Variants in LRRIQ3 observed in about 807,000 individuals in gnomAD.
LRRIQ3 encodes leucine-rich repeat and IQ domain-containing protein 3.
In LRRIQ3, 75 loss-of-function variants were observed where a neutral mutation model predicts 59.3. That is an observed-to-expected ratio of 1.26 (90% CI 1.05 to 1.53). LRRIQ3 has a LOEUF of 1.53. Among genes scored for constraint, LRRIQ3 ranks in the 40% most tolerant of loss-of-function variants. The pLI is 0.00. For synonymous variants in LRRIQ3, 250 were observed against 231.3 expected (o/e 1.08, Z -0.73); for missense variants, 831 against 710.0 (o/e 1.17, Z -1.94).
At chr1:74,143,971 TATA>T (rs893338708) in intron 4 of LRRIQ3, among the ~76,000 whole-genome samples, 2 of 151,928 alleles carry the variant, frequency 1.3e-5, no homozygotes, top group African/African-American at 4.8e-5. Flanking sequence ...TTTTGAGTAT[TATA>T]ATAATTTATA....
intron 4 of LRRIQ3, among the ~76,000 whole-genome samples, chr1:74,149,986 G>A (rs1394334095): frequency 6.6e-6 from 1 of 152,112 alleles, no homozygotes; most frequent in East Asian, 1.9e-4. Context: ...TCTGGCCAAG[G>A]AAATGTAGGA....
intron 3 of LRRIQ3, among the ~76,000 whole-genome samples, chr1:74,159,910 G>A (rs1378023806): frequency 1.3e-5 from 2 of 151,626 alleles, no homozygotes; most frequent in African/African-American, 2.4e-5. Flanking sequence ...TCTTTCTCTC[G>A]CACCTTTTTC....
At chr1:74,031,761 T>TA (rs1016266364) in intron 7 of LRRIQ3, among the ~76,000 whole-genome samples, 6 of 151,872 alleles carry the variant, frequency 4.0e-5, no homozygotes, top group African/African-American at 1.5e-4. Flanking sequence ...TAAAGTATAA[T>TA]AAAAAATATA....
At chr1:74,097,434 G>A (rs1646464509) in intron 5 of LRRIQ3, among the ~76,000 whole-genome samples, 1 of 152,126 alleles carries the variant, frequency 6.6e-6, no homozygotes, top group Non-Finnish European at 1.5e-5. Flanking sequence ...TCTCATTGGT[G>A]TACCTAAAAG....
intron 1 of LRRIQ3, among the ~76,000 whole-genome samples, chr1:74,184,058 G>C (rs1650194966): frequency 6.6e-6 from 1 of 151,964 alleles, no homozygotes; most frequent in African/African-American, 2.4e-5. Flanking sequence ...GATAATTTTT[G>C]TTAAAATATA....
chr1:74,065,443 G>A (rs1174594611), intron 6 of LRRIQ3, among the ~76,000 whole-genome samples: 1 of 151,502 alleles, frequency 6.6e-6, no homozygotes, highest in African/African-American at 2.4e-5. Context: ...TAGAAGAGCT[G>A]ACATCAGAGT....
At chr1:74,196,814 T>A (rs1651182787) in intron 1 of LRRIQ3, among the ~76,000 whole-genome samples, 1 of 152,202 alleles carries the variant, frequency 6.6e-6, no homozygotes. Context: ...AGCTCTCACC[T>A]GCAATATTGC....
intron 4 of LRRIQ3, among the ~76,000 whole-genome samples, chr1:74,145,695 T>C (rs1224651831): frequency 1.3e-5 from 2 of 152,134 alleles, no homozygotes; most frequent in Non-Finnish European, 2.9e-5. Flanking sequence ...CACTAAAATA[T>C]AATGAATTAC....
intron 4 of LRRIQ3, among the ~76,000 whole-genome samples, chr1:74,117,669 G>A (rs1210139120): frequency 6.6e-6 from 1 of 152,100 alleles, no homozygotes. Flanking sequence ...AGGAGGCTGA[G>A]GCAGGAGAAT....
At chr1:74,084,954 G>C (rs527741305) in intron 5 of LRRIQ3, among the ~76,000 whole-genome samples, 1 of 151,654 alleles carries the variant, frequency 6.6e-6, no homozygotes, top group African/African-American at 2.4e-5. Flanking sequence ...GGTATTCCAA[G>C]TTCTACTATA....
chr1:74,051,264 C>T (rs898584959), intron 6 of LRRIQ3, among the ~76,000 whole-genome samples: 3 of 152,078 alleles, frequency 2.0e-5, no homozygotes, highest in African/African-American at 7.2e-5. Flanking sequence ...CAGGAAAACA[C>T]ACTAAAACAT....
intron 1 of LRRIQ3, among the ~76,000 whole-genome samples, chr1:74,197,677 G>T (rs1199677295): frequency 6.6e-6 from 1 of 151,872 alleles, no homozygotes; most frequent in Non-Finnish European, 1.5e-5. Flanking sequence ...AGCCTACTAA[G>T]AAAAAACAGA....
At chr1:74,071,040 C>G (rs915401989) in intron 6 of LRRIQ3, among the ~76,000 whole-genome samples, 2 of 150,206 alleles carry the variant, frequency 1.3e-5, no homozygotes, top group South Asian at 2.1e-4. Flanking sequence ...TATACACACA[C>G]ACACACATAC....
intron 4 of LRRIQ3, among the ~76,000 whole-genome samples, chr1:74,114,417 A>G (rs993865146): frequency 6.6e-6 from 1 of 152,064 alleles, no homozygotes; most frequent in Non-Finnish European, 1.5e-5. Context: ...ATAAATATGA[A>G]GTAGACAAGA....
chr1:74,127,317 A>G (rs1478382167), intron 4 of LRRIQ3, among the ~76,000 whole-genome samples: 1 of 151,878 alleles, frequency 6.6e-6, no homozygotes, highest in Non-Finnish European at 1.5e-5. Flanking sequence ...TATGCTTTTG[A>G]TTGGAGAGGT....
chr1:74,136,788 C>T (rs957591914), intron 4 of LRRIQ3, among the ~76,000 whole-genome samples: 1 of 151,920 alleles, frequency 6.6e-6, no homozygotes, highest in African/African-American at 2.4e-5. Flanking sequence ...CTTCCACTCT[C>T]TTCACTATCA....
intron 7 of LRRIQ3, among the ~76,000 whole-genome samples, chr1:74,034,785 T>G (rs989229821): frequency 7.6e-6 from 1 of 131,162 alleles, no homozygotes; most frequent in East Asian, 3.0e-4. Context: ...TGCTTATAAG[T>G]AGGAAAAGGC....
intron 3 of LRRIQ3, 102 bp downstream of exon 3, chr1:74,182,436 C>A (rs1570271915): frequency 5.1e-6 from 3 of 592,342 alleles, no homozygotes; most frequent in Admixed American, 3.9e-5. Context: ...ATAAATGATG[C>A]AAAAATATTA....
At chr1:74,064,145 TA>T (rs1654806511) in intron 6 of LRRIQ3, among the ~76,000 whole-genome samples, 1 of 151,868 alleles carries the variant, frequency 6.6e-6, no homozygotes, top group Non-Finnish European at 1.5e-5. Context: ...ATGGTAAAAA[TA>T]TTTTTGTAAT....
Sources: gnomAD v4.1 joint callset for allele counts (sites outside exome capture counted in the v4.1 genomes callset) on GRCh38, gnomAD v4.1.1 for gene constraint, MANE v1.5 for transcripts, NCBI Gene and HGNC (gene_info 2026-07-23, HGNC 2026-07-21) for gene names.